LRRTM4: variants seen among roughly 807,000 people sequenced by gnomAD.
LRRTM4 encodes the protein leucine-rich repeat transmembrane neuronal protein 4.
A neutral mutation model predicts 47.6 loss-of-function variants in LRRTM4; 25 were observed. The ratio of observed to expected loss-of-function variants is 0.53; its 90% CI spans 0.38 to 0.73. The LOEUF is 0.73. LRRTM4 is among the 30% of genes least tolerant of loss of function. The probability of loss-of-function intolerance (pLI) is 0.00; values close to 1 mark genes in which losing one functional copy is unlikely to be tolerated. For missense variants in LRRTM4, 638 were observed against 713.4 expected, an observed-to-expected ratio of 0.89 and a Z score of 1.20; for synonymous variants, 311 against 269.5, an observed-to-expected ratio of 1.15 and a Z score of -1.51.
rs372504682 is a variant in LRRTM4, at chr2:77,098,777, C to G, written c.1552-349861G>C. ...GATTAGTTTCCAGAATATGTCAAGA[C>G]TACAAATCAATAAGATAAAGACAAA... On this transcript the variant is annotated intron_variant, in intron 3 of 3. Transcript: ENST00000409884. 1.0e-3 allele frequency among the ~76,000 whole-genome samples: 158 copies of G among 151,484 alleles called. 2 individuals carry two copies. The highest frequency in any genetic ancestry group is 3.4e-3 in the Middle Eastern group (1 of 292).
At chr2:77,379,738 C>A (rs1277414709) in intron 3 of LRRTM4, among the ~76,000 whole-genome samples, 1 of 151,856 alleles carries the variant, frequency 6.6e-6, no homozygotes, top group East Asian at 1.9e-4. Flanking sequence ...CTTCTTTCTT[C>A]AATGGTAGTT....
At chr2:77,517,207 C>T (rs1679243410) in intron 3 of LRRTM4, 21 of 984,996 alleles carry the variant, frequency 2.1e-5, no homozygotes, top group Non-Finnish European at 2.3e-5. Flanking sequence ...CTAACATGAT[C>T]CTGTAAGTGA....
At chr2:76,769,416 A>G (rs1051461400) in intron 3 of LRRTM4, among the ~76,000 whole-genome samples, 1 of 152,208 alleles carries the variant, frequency 6.6e-6, no homozygotes, top group East Asian at 1.9e-4. Flanking sequence ...CTGTGAACAC[A>G]AACTTCTCTA....
intron 3 of LRRTM4, among the ~76,000 whole-genome samples, chr2:77,134,820 T>C (rs1671890431): frequency 6.6e-6 from 1 of 152,094 alleles, no homozygotes; most frequent in South Asian, 2.1e-4. Context: ...AAGTAGCCAA[T>C]CACAAAGTAA....
chr2:76,986,343 C>G (rs1030863830), intron 3 of LRRTM4, among the ~76,000 whole-genome samples: 11 of 150,216 alleles, frequency 7.3e-5, no homozygotes, highest in African/African-American at 2.5e-5. Context: ...ATTTCATAGT[C>G]TTTAACCAAA....
chr2:77,371,955 A>C (rs1240611889), intron 3 of LRRTM4, among the ~76,000 whole-genome samples: 1 of 151,730 alleles, frequency 6.6e-6, no homozygotes, highest in Non-Finnish European at 1.5e-5. Flanking sequence ...GAAACAGAGG[A>C]CTTCATTCCC....
intron 3 of LRRTM4, among the ~76,000 whole-genome samples, chr2:77,449,896 C>T (rs1410780190): frequency 6.6e-6 from 1 of 152,322 alleles, no homozygotes; most frequent in East Asian, 1.9e-4. Flanking sequence ...CTACCTAAAC[C>T]AGCCAGAGTC....
intron 3 of LRRTM4, among the ~76,000 whole-genome samples, chr2:77,089,079 A>G (rs1680832390): frequency 1.3e-5 from 2 of 152,098 alleles, no homozygotes; most frequent in Admixed American, 1.3e-4. Flanking sequence ...CCACGTTTCA[A>G]GGGTGTCAGA....
intron 3 of LRRTM4, among the ~76,000 whole-genome samples, chr2:76,928,986 T>G (rs564274855): frequency 5.8e-4 from 89 of 152,268 alleles, no homozygotes; most frequent in Non-Finnish European, 8.2e-4. Flanking sequence ...GACTTAGATA[T>G]GATTTTGTGA....
At chr2:76,849,836 TA>T (rs1267748996) in intron 3 of LRRTM4, among the ~76,000 whole-genome samples, 1 of 152,086 alleles carries the variant, frequency 6.6e-6, no homozygotes, top group Admixed American at 6.6e-5. Flanking sequence ...AATTTTTTTT[TA>T]AAAAGTAAGT....
intron 3 of LRRTM4, among the ~76,000 whole-genome samples, chr2:77,148,711 T>C (rs1490625302): frequency 6.6e-6 from 1 of 152,206 alleles, no homozygotes; most frequent in Admixed American, 6.5e-5. Flanking sequence ...AGTTTTCAGA[T>C]GGCTCAGGAA....
chr2:76,768,228 A>G (rs1219040641), intron 3 of LRRTM4, among the ~76,000 whole-genome samples: 4 of 152,184 alleles, frequency 2.6e-5, no homozygotes. Context: ...AAATTATGAC[A>G]ATAGAGGAAA....
chr2:77,050,128 CTT>C lies in LRRTM4; in HGVS notation c.1552-301214_1552-301213del, dbSNP rs745419725. ...CAGATGTGTTTTGTTAGAACCAAGT[CTT>C]TTTTTTTTTTTTTTTTGCTTTGATT... On this transcript the variant is annotated intron_variant, in intron 3 of 3. Coordinates refer to ENST00000409884, the MANE Select transcript of LRRTM4 (RefSeq NM_001134745.3). Among the ~76,000 whole-genome samples, 186 of 112,622 alleles carry C rather than the reference CTT, an allele frequency of 1.7e-3. 2 individuals carry two copies. The East Asian group carries it at 0.031, about 19-fold the overall frequency. The allele number at this position is 112,622 out of a possible 152,430, so 73.9% of individuals were successfully genotyped here.
rs542496335 is a variant in LRRTM4 at position 77,288,390 on chromosome 2, G to A, written c.1551+229928C>T. On this transcript the variant is annotated intron_variant, in intron 3 of 3. Coordinates refer to ENST00000409884, the MANE Select transcript of LRRTM4 (RefSeq NM_001134745.3). The stretch of plus-strand genomic sequence containing the variant: ...AGTAAAAAATTAGATTAATGAAATG[G>A]AGTGTGAGAAGATATTGAAGAAAGA... 1.3e-4 allele frequency among the ~76,000 whole-genome samples: 20 copies of A among 151,892 alleles called. No homozygotes were observed. The East Asian group carries it at 3.9e-3, about 29-fold the overall frequency.
chr2:76,982,873 CA>C (rs1291157045), intron 3 of LRRTM4, among the ~76,000 whole-genome samples: 1 of 151,972 alleles, frequency 6.6e-6, no homozygotes, highest in Non-Finnish European at 1.5e-5. Flanking sequence ...CAGAGAGTCA[CA>C]ATTTATATTA....
At position 77,291,875 on chromosome 2, in the gene LRRTM4, C is replaced by A. The variant is rs185871015; in HGVS notation, c.1551+226443G>T. Among the ~76,000 whole-genome samples the A allele has an allele frequency of 6.1e-3, 924 of 152,024 alleles. 11 individuals are homozygous for A. The highest frequency in any genetic ancestry group is 0.02 in the African/African-American group (840 of 41,466). ...CTAATTAAACTAAAGAGCTTCTGCA[C>A]AGCAAAAGAAACTACCATCAGAGTG... On this transcript the variant is annotated intron_variant, in intron 3 of 3. Transcript: ENST00000409884.
intron 3 of LRRTM4, among the ~76,000 whole-genome samples, chr2:77,171,300 G>T (rs12713897): frequency 6.6e-6 from 1 of 151,764 alleles, no homozygotes; most frequent in Admixed American, 6.6e-5. Flanking sequence ...TTTTTGAGAT[G>T]GAGTCTACCT....
At chr2:77,248,395 C>G (rs1429439786) in intron 3 of LRRTM4, among the ~76,000 whole-genome samples, 1 of 151,738 alleles carries the variant, frequency 6.6e-6, no homozygotes, top group South Asian at 2.1e-4. Context: ...TAAAATCAAA[C>G]AAGAACTAAA....
intron 3 of LRRTM4, among the ~76,000 whole-genome samples, chr2:77,120,939 C>T (rs1004858305): frequency 6.6e-6 from 1 of 151,480 alleles, no homozygotes; most frequent in Non-Finnish European, 1.5e-5. Context: ...AATGCAGAAC[C>T]CTGAGTGTTT....
Sources: gnomAD v4.1 joint callset for allele counts (sites outside exome capture counted in the v4.1 genomes callset) on GRCh38, gnomAD v4.1.1 for gene constraint, MANE v1.5 for transcripts, NCBI Gene and HGNC (gene_info 2026-07-23, HGNC 2026-07-21) for gene names.